The following SNTG1 variants were observed in gnomAD, a reference collection of about 807,000 sequenced individuals.
SNTG1 encodes syntrophin gamma 1, also known as gamma-1-syntrophin.
In SNTG1, 39 loss-of-function variants were observed where a neutral mutation model predicts 74.7. The observed-to-expected ratio is 0.52, with a 90% CI of 0.40 to 0.68. The LOEUF is 0.68. Ranked by LOEUF, SNTG1 falls within the 30% of genes least tolerant of loss-of-function variation. The probability of loss-of-function intolerance (pLI) is 0.00; values close to 1 mark genes in which losing one functional copy is unlikely to be tolerated. For synonymous variants in SNTG1, 254 were observed against 217.1 expected, an observed-to-expected ratio of 1.17 and a Z score of -1.49; for missense variants, 685 against 609.5, an observed-to-expected ratio of 1.12 and a Z score of -1.30.
chr8:50,194,216 A>G (rs575029261), intron 2 of SNTG1, among the ~76,000 whole-genome samples: 24 of 152,180 alleles, frequency 1.6e-4, no homozygotes, highest in South Asian at 1.5e-3. Flanking sequence ...TTCTTCCTCT[A>G]TCTTGTGGAA....
At chr8:50,328,554 C>T (rs550642802) in intron 2 of SNTG1, among the ~76,000 whole-genome samples, 53 of 152,144 alleles carry the variant, frequency 3.5e-4, no homozygotes, top group Admixed American at 7.9e-4. Flanking sequence ...GAAGGAGGTA[C>T]TGTCAAACAC....
chr8:50,214,226 G>A (rs2084663895), intron 2 of SNTG1, among the ~76,000 whole-genome samples: 1 of 137,074 alleles, frequency 7.3e-6, no homozygotes, highest in African/African-American at 2.7e-5. Flanking sequence ...CATGGACACA[G>A]GAAGGGGAAC....
In SNTG1 at chr8:50,701,586, C is replaced by CTTCTTCTTCTTCTTCTTCTCCTTCT. The variant is rs2095423842; in HGVS notation, c.1039-3013_1039-3012insTCTTCTTCTTCTTCTTCTCCTTCTT. ...ATTGTGATATAATACCTTTTTCTTC[C>CTTCTTCTTCTTCTTCTTCTCCTTCT]TCTTCTTCTTCTTCTTCTTCTTCTT... On this transcript the variant is annotated intron_variant, in intron 15 of 18. Coordinates refer to ENST00000642720, the MANE Select transcript of SNTG1 (RefSeq NM_018967.5). Among the ~76,000 whole-genome samples, 3 of 145,312 alleles carry CTTCTTCTTCTTCTTCTTCTCCTTCT rather than the reference C, an allele frequency of 2.1e-5. No homozygotes were observed. The South Asian group carries it at 6.7e-4, about 32-fold the overall frequency.
intron 2 of SNTG1, among the ~76,000 whole-genome samples, chr8:50,333,976 A>G (rs2091054840): frequency 1.3e-5 from 2 of 152,234 alleles, no homozygotes; most frequent in South Asian, 4.1e-4. Context: ...AAGACACTGC[A>G]GCCTCTGCCT....
At chr8:50,127,898 A>G (rs1248366405) in intron 1 of SNTG1, among the ~76,000 whole-genome samples, 1 of 152,158 alleles carries the variant, frequency 6.6e-6, no homozygotes, top group Non-Finnish European at 1.5e-5. Flanking sequence ...GCAGCCACAC[A>G]CCACTGCATT....
At position 50,042,646 on chromosome 8, in the gene SNTG1, T is replaced by G. The variant is rs574053625; in HGVS notation, c.-102-129915T>G. Among the ~76,000 whole-genome samples, 6 of 152,182 alleles carry G rather than the reference T, an allele frequency of 3.9e-5. No individual in the cohort carries two copies. The South Asian group carries it at 1.0e-3, about 26-fold the overall frequency. ...ATCATAGCTCTTTGCAGCCTCAAAC[T>G]CCTGGGCTCAAGTGATCCTCCTAGC... On this transcript the variant is annotated intron_variant, in intron 1 of 18. Transcript: ENST00000642720.
At chr8:50,244,755 A>C (rs1042544047) in intron 2 of SNTG1, among the ~76,000 whole-genome samples, 4 of 152,194 alleles carry the variant, frequency 2.6e-5, no homozygotes, top group Admixed American at 1.3e-4. Flanking sequence ...GTAAGACCAC[A>C]TAATGGTTAG....
chr8:50,792,938 C>A lies in SNTG1; in HGVS notation c.*109C>A. 1.6e-6 allele frequency: 2 copies of A among 1,274,614 alleles called. No homozygotes were observed. The highest frequency in any genetic ancestry group is 2.1e-6 in the Non-Finnish European group (2 of 956,592). The allele number at this position is 1,274,614 out of a possible 1,614,324, so 79.0% of individuals were successfully genotyped here. On this transcript the variant is annotated 3_prime_UTR_variant, in exon 19 of 19. Coordinates refer to ENST00000642720, the MANE Select transcript of SNTG1 (RefSeq NM_018967.5). ...AACATCACCAAGTCGACAGTGGAGG[C>A]AAATCAAAATTTCGGCAGAAAAAGA...
At chr8:50,743,812 T>C (rs117954463) in intron 17 of SNTG1, among the ~76,000 whole-genome samples, 8 of 152,022 alleles carry the variant, frequency 5.3e-5, no homozygotes, top group Non-Finnish European at 1.0e-4. Flanking sequence ...GGGTAATTCA[T>C]AAAGGAAAGA....
At chr8:50,132,478 C>A (rs2081348371) in intron 1 of SNTG1, among the ~76,000 whole-genome samples, 1 of 151,994 alleles carries the variant, frequency 6.6e-6, no homozygotes. Context: ...CTGAGACAGG[C>A]AGAATATAGA....
At chr8:50,567,151 G>C (rs949175224) in intron 12 of SNTG1, among the ~76,000 whole-genome samples, 3 of 151,980 alleles carry the variant, frequency 2.0e-5, no homozygotes, top group Non-Finnish European at 4.4e-5. Flanking sequence ...TAAAATTGTG[G>C]CATCTTAAGC....
chr8:50,668,539 T>TTC (rs2095261986), intron 15 of SNTG1, among the ~76,000 whole-genome samples: 1 of 149,052 alleles, frequency 6.7e-6, no homozygotes, highest in African/African-American at 2.5e-5. Flanking sequence ...ATTATTATTT[T>TTC]GCTTTAAGTT....
chr8:50,369,156 T>G (rs1396538988), intron 2 of SNTG1, among the ~76,000 whole-genome samples: 7 of 152,210 alleles, frequency 4.6e-5, no homozygotes, highest in Admixed American at 6.5e-5. Flanking sequence ...TTCTATGAGC[T>G]GAACTGTGAT....
At chr8:50,619,573 T>C (rs1055144845) in intron 13 of SNTG1, among the ~76,000 whole-genome samples, 1 of 151,088 alleles carries the variant, frequency 6.6e-6, no homozygotes, top group Non-Finnish European at 1.5e-5. Flanking sequence ...CTACTAAAAG[T>C]ATAAAAAATT....
At chr8:49,971,695 A>C (rs1455678931) in intron 1 of SNTG1, among the ~76,000 whole-genome samples, 2 of 152,166 alleles carry the variant, frequency 1.3e-5, no homozygotes, top group East Asian at 3.8e-4. Flanking sequence ...ATGTGCAAAA[A>C]TCACAAGCAT....
rs1275694136 is a variant in SNTG1, at chr8:50,230,306, C to T, written c.-28+57671C>T. On this transcript the variant is annotated intron_variant, in intron 2 of 18. Coordinates refer to ENST00000642720, the MANE Select transcript of SNTG1 (RefSeq NM_018967.5). Reference sequence around the variant, plus strand: ...AAAGATTAATGAAACTGACAAATCTCTAAAAAGATTGAGAAAGAAAACAGA... The same window carrying T: ...AAAGATTAATGAAACTGACAAATCTTTAAAAAGATTGAGAAAGAAAACAGA... 6.8e-5 allele frequency among the ~76,000 whole-genome samples: 4 copies of T among 58,584 alleles called. 1 individual carries two copies. Among genetic ancestry groups the T allele is most frequent in the African/African-American group, 1.5e-4 (4 of 26,168 alleles). 38.4% of individuals were successfully genotyped at this position (58,584 alleles called of 152,430 possible). A position where few individuals can be genotyped will look rare whatever the true frequency, so the allele number is the denominator to read the frequency against.
chr8:50,733,819 T>A (rs1486872122), intron 17 of SNTG1, among the ~76,000 whole-genome samples: 3 of 151,788 alleles, frequency 2.0e-5, no homozygotes, highest in Non-Finnish European at 4.4e-5. Flanking sequence ...TCTTACATTT[T>A]ATCGTATTTT....
At chr8:50,773,218 A>G (rs944981616) in intron 18 of SNTG1, among the ~76,000 whole-genome samples, 5 of 152,136 alleles carry the variant, frequency 3.3e-5, no homozygotes, top group Admixed American at 6.6e-5. Flanking sequence ...TGGCAATACC[A>G]GTTGTGGCAA....
intron 13 of SNTG1, among the ~76,000 whole-genome samples, chr8:50,632,285 T>A (rs1234604706): frequency 1.5e-5 from 2 of 134,362 alleles, no homozygotes; most frequent in Non-Finnish European, 3.0e-5. Context: ...GTCTTTTTAA[T>A]TTTATTTATT....
Sources: gnomAD v4.1 joint callset for allele counts (sites outside exome capture counted in the v4.1 genomes callset) on GRCh38, gnomAD v4.1.1 for gene constraint, MANE v1.5 for transcripts, NCBI Gene and HGNC (gene_info 2026-07-23, HGNC 2026-07-21) for gene names.